The following BRD4 variants were observed in gnomAD, a reference collection of about 807,000 sequenced individuals.
BRD4 encodes bromodomain-containing protein 4.
In BRD4, 16 loss-of-function variants were observed where a neutral mutation model predicts 142.1. That is an observed-to-expected ratio of 0.11 (90% CI 0.08 to 0.17). The LOEUF (loss-of-function observed/expected upper bound fraction) is 0.17, where lower values mean the gene tolerates loss of function less well. Among genes scored for constraint, BRD4 ranks in the 10% least tolerant of loss-of-function variants. BRD4 has a pLI of 1.00. For missense variants in BRD4, 1,424 were observed against 1,810.9 expected (o/e 0.79, Z 3.88); for synonymous variants, 833 against 707.5 (o/e 1.18, Z -2.82).
intron 1 of BRD4, among the ~76,000 whole-genome samples, chr19:15,284,748 A>C (rs1380268580): frequency 6.6e-6 from 1 of 152,184 alleles, no homozygotes; most frequent in Non-Finnish European, 1.5e-5. Context: ...TCACCCTCTC[A>C]TCTCAGTAAC....
At chr19:15,271,613 T>C (rs1282345088) in intron 2 of BRD4, among the ~76,000 whole-genome samples, 2 of 152,184 alleles carry the variant, frequency 1.3e-5, no homozygotes, top group Non-Finnish European at 2.9e-5. Context: ...CTATGGACCC[T>C]GTCCAGCCCA....
In BRD4 at chr19:15,309,041, A is replaced by C. The variant is rs145169204; in HGVS notation, c.-35+23249T>G. ...ACAAACAAACAAACAAACAAACAAA[A>C]ATAAAAACTTTAGGGCCGGGTGCGG... On this transcript the variant is annotated intron_variant, in intron 1 of 19. Transcript: ENST00000679869. 3.0e-3 allele frequency among the ~76,000 whole-genome samples: 454 copies of C among 149,858 alleles called. 3 individuals are homozygous for C. Among genetic ancestry groups the C allele is most frequent in the African/African-American group, 0.011 (433 of 40,678 alleles).
intron 1 of BRD4, among the ~76,000 whole-genome samples, chr19:15,275,492 C>T (rs1466129178): frequency 6.6e-6 from 1 of 152,148 alleles, no homozygotes; most frequent in African/African-American, 2.4e-5. Context: ...TAAGGAAGTC[C>T]TCATTAGTGA....
intron 14 of BRD4, among the ~76,000 whole-genome samples, chr19:15,242,162 G>A (rs565568133): frequency 1.2e-4 from 19 of 152,146 alleles, no homozygotes; most frequent in African/African-American, 4.6e-4. Context: ...GCCCTGCCTC[G>A]TTGCTTGATT....
intron 14 of BRD4, among the ~76,000 whole-genome samples, chr19:15,241,201 G>A (rs571128362): frequency 8.9e-4 from 135 of 152,350 alleles, no homozygotes; most frequent in African/African-American, 3.2e-3. Context: ...ACCACTTTGG[G>A]CACTGCCAAT....
At chr19:15,298,616 A>C (rs2047842597) in intron 1 of BRD4, among the ~76,000 whole-genome samples, 1 of 67,144 alleles carries the variant, frequency 1.5e-5, no homozygotes, top group Non-Finnish European at 2.6e-5. Flanking sequence ...GCGAGACTCC[A>C]ACTCAAAAAA....
At chr19:15,318,775 G>C (rs1291513187) in intron 1 of BRD4, among the ~76,000 whole-genome samples, 1 of 152,222 alleles carries the variant, frequency 6.6e-6, no homozygotes, top group Non-Finnish European at 1.5e-5. Flanking sequence ...AGCAGCTTCA[G>C]TGTAGAGCCC....
At chr19:15,316,916 G>GCCC (rs1417147582) in intron 1 of BRD4, among the ~76,000 whole-genome samples, 2 of 152,168 alleles carry the variant, frequency 1.3e-5, no homozygotes, top group Non-Finnish European at 2.9e-5. Context: ...CTCAATGCTA[G>GCCC]CCCCCTTCCT....
intron 11 of BRD4, among the ~76,000 whole-genome samples, chr19:15,251,845 G>A (rs932755466): frequency 2.6e-5 from 4 of 152,322 alleles, no homozygotes; most frequent in Non-Finnish European, 4.4e-5. Context: ...GGATTGGGAA[G>A]ACAAAAGGGA....
At chr19:15,253,319 CCT>C (rs2047367709) in intron 11 of BRD4, 3 of 575,912 alleles carry the variant, frequency 5.2e-6, no homozygotes, top group South Asian at 2.2e-5. Flanking sequence ...CATCTGCGCC[CCT>C]GAGAATAATG....
Position 15,256,880 on chromosome 19 carries a change from A to G in BRD4, c.1551+84T>C, listed in dbSNP as rs530351445. The G allele has an allele frequency of 2.9e-4, 370 of 1,288,892 alleles. 1 individual carries two copies. Among genetic ancestry groups the G allele is most frequent in the Middle Eastern group, 1.4e-3 (6 of 4,416 alleles). 79.8% of individuals were successfully genotyped at this position (1,288,892 alleles called of 1,614,324 possible). A position where few individuals can be genotyped will look rare whatever the true frequency, so the allele number is the denominator to read the frequency against. On this transcript the variant is annotated intron_variant, in intron 8 of 19. Transcript: ENST00000679869. ...TATGCTCCCTTGGGAACTCAGAACC[A>G]AGAACATCTCTTAGAAACTTCTGGG...
chr19:15,331,976 G>GGCGCCC (rs1415712401), intron 1 of BRD4: 1 of 82,136 alleles, frequency 1.2e-5, no homozygotes, highest in African/African-American at 4.7e-5. Flanking sequence ...GCCCCGCCGC[G>GGCGCCC]GCGCCCGCGC....
In BRD4 at chr19:15,272,802, C is replaced by G. The variant is rs751534409; in HGVS notation, c.285+13G>C. 2.5e-6 allele frequency: 4 copies of G among 1,609,988 alleles called. No individual in the cohort carries two copies. In the East Asian group the frequency reaches 6.7e-5, roughly 27 times the overall value. The stretch of plus-strand genomic sequence containing the variant: ...CCAGGACGGCCACCCTGGGCCCTGC[C>G]CACACTACTCACAGGGAGGTTCAGC... On this transcript the variant is annotated intron_variant, in intron 2 of 19. Coordinates refer to ENST00000679869, the MANE Select transcript of BRD4 (RefSeq NM_001379291.1).
At position 15,265,496 on chromosome 19, in the gene BRD4, G is replaced by T. The variant is rs1358241600; in HGVS notation, c.707C>A (p.Thr236Asn). Reference protein sequence around the residue: ...PAVTPDLIVQTPVMTVVPPQP... With the variant: ...PAVTPDLIVQNPVMTVVPPQP... ...GGGAGGCACCACTGTCATGACAGGG[G>T]TCTGGACGATGAGGTCCGGGGTGAC... is the stretch of plus-strand genomic sequence containing the variant. The change falls in exon 5 of 20, where the codon ACC becomes AAC. Residue 236 changes from threonine (T) to asparagine (N), a missense_variant. Physicochemically the swap from Thr to Asn is moderately conservative, Grantham distance 65 (BLOSUM62 0). Transcript: ENST00000679869. The T allele has an allele frequency of 6.2e-7, 1 of 1,613,162 alleles. No individual in the cohort carries two copies. The highest frequency in any genetic ancestry group is 1.7e-5 in the Admixed American group (1 of 59,970).
chr19:15,253,525 C>A, intron 11 of BRD4: 6 of 1,527,798 alleles, frequency 3.9e-6, no homozygotes, highest in South Asian at 2.4e-5. Context: ...GAGGGACACG[C>A]AAGTCCAGGT....
intron 1 of BRD4, among the ~76,000 whole-genome samples, chr19:15,307,393 T>C (rs1172868613): frequency 6.6e-6 from 1 of 152,196 alleles, no homozygotes; most frequent in Non-Finnish European, 1.5e-5. Flanking sequence ...TTAAGCAACC[T>C]GCTCCAGATC....
At chr19:15,322,528 T>G (rs1417617699) in intron 1 of BRD4, among the ~76,000 whole-genome samples, 3 of 145,612 alleles carry the variant, frequency 2.1e-5, no homozygotes, top group African/African-American at 7.7e-5. Context: ...GCTAACACGG[T>G]GAAACCCCGT....
chr19:15,255,681 G>A, intron 9 of BRD4, 89 bp from the exon 10 acceptor site: 3 of 1,477,326 alleles, frequency 2.0e-6, no homozygotes, highest in Middle Eastern at 2.4e-4. Context: ...GGGGGGAAGG[G>A]GTGCCCTTCC....
At position 15,244,692 on chromosome 19, in the gene BRD4, G is replaced by GCC. The variant is rs752403188; in HGVS notation, c.2211+16_2211+17dup. 6.2e-7 allele frequency: 1 copy of GCC among 1,614,126 alleles called. No individual in the cohort carries two copies. The highest frequency in any genetic ancestry group is 1.7e-5 in the Admixed American group (1 of 60,014). ...CCCAACGTCCCACCTAATGAAGGAT[G>GCC]CCCCTGAGCCCATGTACCTTCTTCT... On this transcript the variant is annotated intron_variant, in intron 12 of 19. Coordinates refer to ENST00000679869, the MANE Select transcript of BRD4 (RefSeq NM_001379291.1).
Sources: gnomAD v4.1 joint callset for allele counts (sites outside exome capture counted in the v4.1 genomes callset) on GRCh38, gnomAD v4.1.1 for gene constraint, MANE v1.5 for transcripts, NCBI Gene and HGNC (gene_info 2026-07-23, HGNC 2026-07-21) for gene names.